Variants in RBBP8 observed in about 807,000 individuals in gnomAD.
RBBP8 encodes RB binding protein 8, endonuclease.
RBBP8 carries 88 observed loss-of-function variants against 108.3 expected under a neutral mutation model. The ratio of observed to expected loss-of-function variants is 0.81; its 90% CI spans 0.68 to 0.97. RBBP8 has a LOEUF of 0.97. Among genes scored for constraint, RBBP8 ranks in the 50% least tolerant of loss-of-function variants. The probability of loss-of-function intolerance (pLI) is 0.00; values close to 1 mark genes in which losing one functional copy is unlikely to be tolerated. For missense variants in RBBP8, 1,023 were observed against 1,049.0 expected, an observed-to-expected ratio of 0.98 and a Z score of 0.34; for synonymous variants, 332 against 348.2, an observed-to-expected ratio of 0.95 and a Z score of 0.52.
chr18:22,936,353 C>T (rs1910580440), intron 1 of RBBP8, among the ~76,000 whole-genome samples: 1 of 152,150 alleles, frequency 6.6e-6, no homozygotes, highest in South Asian at 2.1e-4. Context: ...CTGCCCACCT[C>T]AGCCTCCCAA....
rs148962672 is a variant in RBBP8 at position 22,946,875 on chromosome 18, A to G, written c.152+389A>G. On this transcript the variant is annotated intron_variant, in intron 3 of 18. Transcript: ENST00000327155. ...AACATGCTACAAGACGAGGAGCAGA[A>G]TAATTCTGGGATTTCTAAACTCATA... Among the ~76,000 whole-genome samples, 52 of 152,252 alleles carry G rather than the reference A, an allele frequency of 3.4e-4. No individual in the cohort carries two copies. The East Asian group carries it at 5.0e-3, about 15-fold the overall frequency.
Position 22,970,944 on chromosome 18 carries a change from T to C in RBBP8, c.361+2026T>C, listed in dbSNP as rs572881123. 5.9e-5 allele frequency among the ~76,000 whole-genome samples: 9 copies of C among 152,300 alleles called. No homozygotes were observed. In the East Asian group the frequency reaches 1.5e-3, roughly 26 times the overall value. On this transcript the variant is annotated intron_variant, in intron 5 of 18. Coordinates refer to ENST00000327155, the MANE Select transcript of RBBP8 (RefSeq NM_002894.3). The stretch of plus-strand genomic sequence containing the variant: ...GAATATAAAAATACACACACGTAAA[T>C]TTGCATATTTAATCCATCTGGAATT...
chr18:22,934,305 A>AATGTTTTGTTTTT (rs369941941), intron 1 of RBBP8: 1 of 152,188 alleles, frequency 6.6e-6, no homozygotes, highest in East Asian at 1.9e-4. Flanking sequence ...TTGCAAGTTG[A>AATGTTTTGTTTTT]ATGTTTTGTT....
intron 1 of RBBP8, among the ~76,000 whole-genome samples, chr18:22,936,460 CT>C (rs1382767330): frequency 6.6e-6 from 1 of 152,104 alleles, no homozygotes; most frequent in Non-Finnish European, 1.5e-5. Context: ...ATAAAAACCC[CT>C]CAATATCTGA....
intron 2 of RBBP8, among the ~76,000 whole-genome samples, chr18:22,943,483 T>A (rs1911275618): frequency 6.6e-6 from 1 of 152,026 alleles, no homozygotes. Flanking sequence ...TCACACCTTT[T>A]ATTTTTTATT....
intron 18 of RBBP8, 139 bp from the exon 19 acceptor site, chr18:23,026,001 AATC>A: frequency 1.4e-6 from 1 of 709,984 alleles, no homozygotes; most frequent in South Asian, 1.6e-5. Flanking sequence ...TAGTGAGATC[AATC>A]ATCAGCATCA....
At chr18:22,961,742 C>G (rs1913117058) in intron 4 of RBBP8, among the ~76,000 whole-genome samples, 1 of 152,112 alleles carries the variant, frequency 6.6e-6, no homozygotes, top group Admixed American at 6.5e-5. Context: ...CCAGGGAAGC[C>G]AAAAGATTGG....
intron 18 of RBBP8, among the ~76,000 whole-genome samples, chr18:23,022,627 TAAAATAAAATAAATAAAATACAATA>T (rs2046370062): frequency 1.1e-5 from 1 of 92,180 alleles, no homozygotes; most frequent in African/African-American, 3.0e-5. Flanking sequence ...TAAAATAAAA[TAAAATAAAATAAATAAAATACAATA>T]TAAAATAAAA....
At chr18:23,009,091 A>G (rs953878281) in intron 16 of RBBP8, among the ~76,000 whole-genome samples, 9 of 152,082 alleles carry the variant, frequency 5.9e-5, no homozygotes, top group African/African-American at 2.2e-4. Flanking sequence ...TTGATTTTTT[A>G]AGGTAAACTA....
chr18:23,016,080 T>G (rs1403187564), intron 16 of RBBP8, among the ~76,000 whole-genome samples: 4 of 152,142 alleles, frequency 2.6e-5, no homozygotes, highest in Non-Finnish European at 5.9e-5. Flanking sequence ...CAACTAATTT[T>G]TGTATTTTTA....
At chr18:22,932,408 T>C (rs1910093553), upstream of RBBP8, among the ~76,000 whole-genome samples, 1 of 152,210 alleles carries the variant, frequency 6.6e-6, no homozygotes, top group Non-Finnish European at 1.5e-5. Flanking sequence ...AAGTGAATGA[T>C]AGTTGCTGTA....
intron 4 of RBBP8, among the ~76,000 whole-genome samples, chr18:22,951,660 A>G (rs903934136): frequency 6.6e-6 from 1 of 152,158 alleles, no homozygotes; most frequent in African/African-American, 2.4e-5. Context: ...TGTCCCCATG[A>G]CTGTGTCCTT....
chr18:23,019,512 A>G (rs921806814), intron 17 of RBBP8, among the ~76,000 whole-genome samples: 14 of 152,172 alleles, frequency 9.2e-5, no homozygotes, highest in African/African-American at 3.1e-4. Context: ...ACTCATGTGG[A>G]TCTGAGATAG....
chr18:22,942,324 C>T (rs932186653), intron 2 of RBBP8, among the ~76,000 whole-genome samples: 7 of 152,062 alleles, frequency 4.6e-5, no homozygotes, highest in Admixed American at 2.0e-4. Context: ...CTCTGCTACA[C>T]GTGTTTAGAA....
chr18:23,023,529 T>C (rs2046406468), intron 18 of RBBP8, among the ~76,000 whole-genome samples: 1 of 152,204 alleles, frequency 6.6e-6, no homozygotes, highest in African/African-American at 2.4e-5. Context: ...ATCCACATTT[T>C]TCTGGTTTTA....
intron 12 of RBBP8, among the ~76,000 whole-genome samples, chr18:22,994,594 A>G (rs1044604941): frequency 7.4e-5 from 11 of 149,168 alleles, no homozygotes; most frequent in African/African-American, 2.2e-4. Context: ...GTGAGCCGAG[A>G]TCGTGCCACT....
chr18:23,022,668 T>TAAAATAAATAAATAAAATAAAATAAAAA (rs1353697130), intron 18 of RBBP8, among the ~76,000 whole-genome samples: 1 of 136,030 alleles, frequency 7.4e-6, no homozygotes, highest in Non-Finnish European at 1.6e-5. Context: ...TAAAATAAAA[T>TAAAATAAATAAATAAAATAAAATAAAAA]AAATAACTGT....
intron 16 of RBBP8, among the ~76,000 whole-genome samples, chr18:23,011,586 G>A (rs188705398): frequency 6.6e-6 from 1 of 151,924 alleles, no homozygotes; most frequent in Admixed American, 6.6e-5. Context: ...ACAAGTGCCC[G>A]CCACCACGCC....
chr18:22,951,175 A>G (rs1912001611), intron 4 of RBBP8, among the ~76,000 whole-genome samples: 1 of 152,178 alleles, frequency 6.6e-6, no homozygotes, highest in African/African-American at 2.4e-5. Flanking sequence ...CACAACAAAT[A>G]TTTGAGTCCT....
Sources: gnomAD v4.1 joint callset for allele counts (sites outside exome capture counted in the v4.1 genomes callset) on GRCh38, gnomAD v4.1.1 for gene constraint, MANE v1.5 for transcripts, NCBI Gene and HGNC (gene_info 2026-07-23, HGNC 2026-07-21) for gene names.